Variants in TMEM207 observed in about 807,000 individuals in gnomAD.
TMEM207 encodes the protein transmembrane protein 207, also known as SRSR846.
In TMEM207, 15 loss-of-function variants were observed where a neutral mutation model predicts 17.4. The ratio of observed to expected loss-of-function variants is 0.86; its 90% CI spans 0.58 to 1.33. The LOEUF is 1.33. Among genes scored for constraint, TMEM207 ranks in the 40% most tolerant of loss-of-function variants. The pLI is 0.00. For synonymous variants in TMEM207, 70 were observed against 65.6 expected (o/e 1.07, Z -0.33); for missense variants, 205 against 173.8 (o/e 1.18, Z -1.01).
At chr3:190,441,264 G>A (rs1038893454) in intron 3 of TMEM207, among the ~76,000 whole-genome samples, 174 bp downstream of exon 3, 1 of 152,152 alleles carries the variant, frequency 6.6e-6, no homozygotes, top group Non-Finnish European at 1.5e-5. Flanking sequence ...TTTGTCACAA[G>A]AAGTGTTTAA....
intron 2 of TMEM207, among the ~76,000 whole-genome samples, chr3:190,442,777 A>C (rs1269458987): frequency 3.3e-5 from 5 of 152,216 alleles, no homozygotes; most frequent in Admixed American, 6.5e-5. Context: ...CATACTTACA[A>C]GGGAATATTA....
intron 4 of TMEM207, among the ~76,000 whole-genome samples, chr3:190,437,208 C>T (rs574535516): frequency 1.3e-5 from 2 of 152,296 alleles, no homozygotes; most frequent in South Asian, 4.1e-4. Flanking sequence ...AGCCCTGCTA[C>T]TGAAAAGCTG....
intron 2 of TMEM207, 92 bp downstream of exon 2, chr3:190,447,698 A>G (rs1720079855): frequency 7.7e-6 from 10 of 1,300,050 alleles, no homozygotes; most frequent in Non-Finnish European, 8.6e-6. Flanking sequence ...TTTGAAACTC[A>G]ACTGGGCTTT....
chr3:190,435,654 C>G (rs571204942), intron 4 of TMEM207, among the ~76,000 whole-genome samples: 18 of 152,254 alleles, frequency 1.2e-4, no homozygotes, highest in African/African-American at 4.3e-4. Context: ...CGAGAAGCCC[C>G]TCAGTTTAGG....
chr3:190,435,404 A>G (rs936602910), intron 4 of TMEM207, among the ~76,000 whole-genome samples: 2 of 152,132 alleles, frequency 1.3e-5, no homozygotes, highest in Non-Finnish European at 2.9e-5. Flanking sequence ...TTTTAATTTC[A>G]TTGCCTTTGT....
At position 190,448,213 on chromosome 3, in the gene TMEM207, C is replaced by CA. The variant is rs562921980; in HGVS notation, c.76-387dup. Among the ~76,000 whole-genome samples, 482 of 147,510 alleles carry CA rather than the reference C, an allele frequency of 3.3e-3. 3 individuals are homozygous for CA. The highest frequency in any genetic ancestry group is 1.0e-2 in the African/African-American group (402 of 40,238). ...ATTATTAGTGAGTATTATTTTCACG[C>CA]AAAAAAAAACAAGTTCCAAGTACAT... On this transcript the variant is annotated intron_variant, in intron 1 of 4. Transcript: ENST00000354905.
In TMEM207 at chr3:190,428,821, T is replaced by A; in HGVS notation, c.*774A>T. Reference sequence around the variant, plus strand: ...CTTCTGCAGTCCTCATGGGAACAGATACCTATGCCGAAGGTTCTTAGCATG... The same window carrying A: ...CTTCTGCAGTCCTCATGGGAACAGAAACCTATGCCGAAGGTTCTTAGCATG... On this transcript the variant is annotated 3_prime_UTR_variant, in exon 5 of 5. Coordinates refer to ENST00000354905, the MANE Select transcript of TMEM207 (RefSeq NM_207316.3). 1 of 152,144 alleles carries A rather than the reference T, an allele frequency of 6.6e-6. No homozygotes were observed. Among genetic ancestry groups the A allele is most frequent in the Non-Finnish European group, 1.5e-5 (1 of 68,026 alleles). The allele number at this position is 152,144 out of a possible 1,614,324, so 9.4% of individuals were successfully genotyped here.
chr3:190,431,449 T>C (rs1231554151), intron 4 of TMEM207, among the ~76,000 whole-genome samples: 2 of 152,020 alleles, frequency 1.3e-5, no homozygotes, highest in African/African-American at 2.4e-5. Context: ...TAAATAATGA[T>C]TTAAACATTA....
At chr3:190,441,365 A>C in intron 3 of TMEM207, 73 bp downstream of exon 3, 2 of 1,189,720 alleles carry the variant, frequency 1.7e-6, no homozygotes, top group Non-Finnish European at 2.5e-6. Context: ...TTCATGTACC[A>C]TCTCAAATTA....
chr3:190,429,267 A>G lies in TMEM207; in HGVS notation c.*328T>C, dbSNP rs1462839051. On this transcript the variant is annotated 3_prime_UTR_variant, in exon 5 of 5. Coordinates refer to ENST00000354905, the MANE Select transcript of TMEM207 (RefSeq NM_207316.3). ...TTTAAAGCAGAAAATGGTGTGCTGT[A>G]TACTGCAGTGGAGTCCTAAATGTGA... The G allele has an allele frequency of 4.2e-6, 1 of 239,818 alleles. No individual in the cohort carries two copies. Among genetic ancestry groups the G allele is most frequent in the East Asian group, 1.2e-4 (1 of 8,252 alleles). 14.9% of individuals were successfully genotyped at this position (239,818 alleles called of 1,614,324 possible).
chr3:190,430,546 T>G (rs1719670476), intron 4 of TMEM207, among the ~76,000 whole-genome samples: 1 of 151,550 alleles, frequency 6.6e-6, no homozygotes, highest in Non-Finnish European at 1.5e-5. Context: ...TATAAATGCT[T>G]ATATGTAAAG....
chr3:190,429,558 G>A lies in TMEM207; in HGVS notation c.*37C>T. On this transcript the variant is annotated 3_prime_UTR_variant, in exon 5 of 5. Coordinates refer to ENST00000354905, the MANE Select transcript of TMEM207 (RefSeq NM_207316.3). ...AATTTGATGTTTTGGAATTACAGAT[G>A]TCGTTAATACTTTAAATTGATAATC... 6.2e-7 allele frequency: 1 copy of A among 1,605,958 alleles called. No homozygotes were observed. Among genetic ancestry groups the A allele is most frequent in the Non-Finnish European group, 8.5e-7 (1 of 1,174,506 alleles).
At chr3:190,447,864 C>G (rs768691779) in intron 1 of TMEM207, 37 bp from the exon 2 acceptor site, 1 of 1,597,266 alleles carries the variant, frequency 6.3e-7, no homozygotes, top group South Asian at 1.1e-5. Context: ...ATCCAAACAT[C>G]TCATCAGTCT....
At chr3:190,435,094 C>T (rs1719772214) in intron 4 of TMEM207, among the ~76,000 whole-genome samples, 1 of 152,148 alleles carries the variant, frequency 6.6e-6, no homozygotes, top group African/African-American at 2.4e-5. Context: ...CCCTCTTCTT[C>T]CTCCTCACTC....
At chr3:190,446,040 T>C (rs1167480950) in intron 2 of TMEM207, among the ~76,000 whole-genome samples, 1 of 152,206 alleles carries the variant, frequency 6.6e-6, no homozygotes, top group Non-Finnish European at 1.5e-5. Context: ...TGTGTCCATT[T>C]TGCATGTGAA....
chr3:190,430,749 G>A (rs1051745095), intron 4 of TMEM207, among the ~76,000 whole-genome samples: 1 of 151,996 alleles, frequency 6.6e-6, no homozygotes, highest in Non-Finnish European at 1.5e-5. Flanking sequence ...TATGGCTGCT[G>A]TTGCACTACC....
At chr3:190,441,056 A>G (rs1001645245) in intron 3 of TMEM207, among the ~76,000 whole-genome samples, 9 of 152,056 alleles carry the variant, frequency 5.9e-5, no homozygotes, top group Non-Finnish European at 1.0e-4. Context: ...GCGACAGAGC[A>G]AAACTGTGTC....
chr3:190,444,390 C>T (rs1167588542), intron 2 of TMEM207: 8 of 983,976 alleles, frequency 8.1e-6, no homozygotes, highest in East Asian at 1.1e-4. Flanking sequence ...ATCACCATGT[C>T]GTGGTGCGAC....
rs1172063749 is a variant in TMEM207 at position 190,441,463 on chromosome 3, G to A, written c.133C>T (p.Gln45Ter). 1 of 1,611,864 alleles carries A rather than the reference G, an allele frequency of 6.2e-7. No homozygotes were observed. Reference protein sequence around the residue: ...EDEMCVNYNDQHPNGWYIWIL... With the variant: ...EDEMCVNYND Reference sequence around the variant, plus strand: ...CAGATATACCAGCCATTAGGGTGTTGGTCATTATAATTTACACACCTGGTG... The same window carrying A: ...CAGATATACCAGCCATTAGGGTGTTAGTCATTATAATTTACACACCTGGTG... The change falls in exon 3 of 5, where the codon CAA (glutamine) becomes TAA (stop). Residue 45 changes from glutamine to a stop codon, truncating the protein, a stop_gained. Coordinates refer to ENST00000354905, the MANE Select transcript of TMEM207 (RefSeq NM_207316.3). LOFTEE classifies it high-confidence loss of function.
Sources: gnomAD v4.1 joint callset for allele counts (sites outside exome capture counted in the v4.1 genomes callset) on GRCh38, gnomAD v4.1.1 for gene constraint, MANE v1.5 for transcripts, NCBI Gene and HGNC (gene_info 2026-07-23, HGNC 2026-07-21) for gene names.